NR2C2: variants seen among roughly 807,000 people sequenced by gnomAD.
NR2C2 encodes nuclear receptor subfamily 2 group C member 2, also known as Nuclear hormone receptor TR4.
Under a neutral mutation model 62.9 loss-of-function variants are expected in NR2C2, and 6 were observed. The ratio of observed to expected loss-of-function variants is 0.10; its 90% CI spans 0.05 to 0.19. The LOEUF is 0.19. NR2C2 is among the 10% of genes least tolerant of loss of function. NR2C2 has a pLI of 1.00. For missense variants in NR2C2, 479 were observed against 762.7 expected (o/e 0.63, Z 4.38); for synonymous variants, 272 against 273.8 (o/e 0.99, Z 0.07).
intron 1 of NR2C2, among the ~76,000 whole-genome samples, chr3:14,953,872 G>A (rs1285771087): frequency 2.7e-5 from 4 of 149,566 alleles, no homozygotes; most frequent in Non-Finnish European, 4.4e-5. Flanking sequence ...TCCAGCCTGG[G>A]CGACAGTGCG....
Position 15,023,365 on chromosome 3 carries a change from A to G in NR2C2, c.704+18A>G, listed in dbSNP as rs2041729432. On this transcript the variant is annotated intron_variant, in intron 6 of 13. Coordinates refer to ENST00000425241, the MANE Select transcript of NR2C2 (RefSeq NM_001291694.2). ...GGAGCAAGGTCAGTCCCTTGTTCTC[A>G]CTGCAATCAGCCTTTGCAGCTGATG... The G allele has an allele frequency of 1.9e-6, 3 of 1,613,464 alleles. No individual in the cohort carries two copies. Among genetic ancestry groups the G allele is most frequent in the Non-Finnish European group, 2.5e-6 (3 of 1,179,754 alleles).
intron 1 of NR2C2, among the ~76,000 whole-genome samples, chr3:14,978,181 C>T (rs961210321): frequency 2.0e-5 from 3 of 152,196 alleles, no homozygotes; most frequent in Non-Finnish European, 4.4e-5. Context: ...AGCACCCACA[C>T]CGTAAGCTTC....
chr3:14,949,288 G>A (rs1302492152), intron 1 of NR2C2, among the ~76,000 whole-genome samples: 1 of 152,216 alleles, frequency 6.6e-6, no homozygotes, highest in Non-Finnish European at 1.5e-5. Context: ...AGATGGAATG[G>A]TCAGGGTGGC....
At chr3:14,966,626 C>T (rs748380592) in intron 1 of NR2C2, among the ~76,000 whole-genome samples, 4 of 152,088 alleles carry the variant, frequency 2.6e-5, no homozygotes, top group Non-Finnish European at 4.4e-5. Flanking sequence ...TAGTAAGTGC[C>T]ATGCATTTTT....
chr3:15,002,802 G>T (rs1315004981), intron 1 of NR2C2, among the ~76,000 whole-genome samples: 1 of 151,200 alleles, frequency 6.6e-6, no homozygotes, highest in Admixed American at 6.6e-5. Context: ...GGGATTACAG[G>T]CACGGGCCAC....
At chr3:14,953,701 C>T (rs1308420047) in intron 1 of NR2C2, among the ~76,000 whole-genome samples, 1 of 152,112 alleles carries the variant, frequency 6.6e-6, no homozygotes, top group African/African-American at 2.4e-5. Flanking sequence ...CAAGACCAGC[C>T]TGGCCAACAT....
At position 14,947,677 on chromosome 3, in the gene NR2C2, AC is replaced by A. The variant is rs1238010362; in HGVS notation, c.-262del. ...CTTTCACTGACAAAAACAATAACAA[AC>A]CCCCCCTTCTCCGCGACCCCGGCGG... On this transcript the variant is annotated 5_prime_UTR_variant, in exon 1 of 14. Coordinates refer to ENST00000425241, the MANE Select transcript of NR2C2 (RefSeq NM_001291694.2). 3.0e-5 allele frequency: 4 copies of A among 133,070 alleles called. No individual in the cohort carries two copies. Among genetic ancestry groups the A allele is most frequent in the South Asian group, 2.1e-4 (1 of 4,872 alleles). The allele number at this position is 133,070 out of a possible 1,614,324, so 8.2% of individuals were successfully genotyped here. A position where few individuals can be genotyped will look rare whatever the true frequency, so the allele number is the denominator to read the frequency against.
Position 14,958,220 on chromosome 3 carries a change from T to C in NR2C2, c.-40+10314T>C, listed in dbSNP as rs541521608. On this transcript the variant is annotated intron_variant, in intron 1 of 13. Coordinates refer to ENST00000425241, the MANE Select transcript of NR2C2 (RefSeq NM_001291694.2). ...TGTTTATTCTCCTCTTTCTCCTCCT[T>C]GTTGTTGTTAATTCTCAGCAGTCAG... Among the ~76,000 whole-genome samples the C allele has an allele frequency of 2.0e-5, 3 of 151,510 alleles. No homozygotes were observed. The East Asian group carries it at 5.8e-4, about 29-fold the overall frequency.
intron 1 of NR2C2, chr3:14,948,143 G>C (rs143270526): frequency 1.3e-3 from 197 of 152,190 alleles, no homozygotes; most frequent in Admixed American, 2.6e-3. Context: ...GCGCAAGGGT[G>C]GGGGTGGAGG....
intron 1 of NR2C2, among the ~76,000 whole-genome samples, chr3:14,965,575 G>C (rs2039823185): frequency 7.5e-6 from 1 of 133,860 alleles, no homozygotes; most frequent in Non-Finnish European, 1.6e-5. Flanking sequence ...AATAATGAAA[G>C]TCAGTCTCAA....
chr3:15,023,093 A>G (rs2041723430), intron 5 of NR2C2, 107 bp from the exon 6 acceptor site: 8 of 1,250,664 alleles, frequency 6.4e-6, no homozygotes, highest in African/African-American at 3.0e-5. Flanking sequence ...AGATGAACCT[A>G]GCACCAGAGT....
intron 1 of NR2C2, among the ~76,000 whole-genome samples, chr3:14,980,025 T>A (rs1453011106): frequency 6.6e-6 from 1 of 152,058 alleles, no homozygotes; most frequent in Non-Finnish European, 1.5e-5. Flanking sequence ...TTTAAAACCA[T>A]TGCCACCCGT....
At chr3:14,977,834 G>A (rs1186228087) in intron 1 of NR2C2, among the ~76,000 whole-genome samples, 1 of 151,840 alleles carries the variant, frequency 6.6e-6, no homozygotes, top group Non-Finnish European at 1.5e-5. Flanking sequence ...GCATGGTGGT[G>A]TGTGCCTGTA....
At position 14,947,925 on chromosome 3, in the gene NR2C2, C is replaced by A. The variant is rs1037183641; in HGVS notation, c.-40+19C>A. 1 of 150,790 alleles carries A rather than the reference C, an allele frequency of 6.6e-6. No homozygotes were observed. The highest frequency in any genetic ancestry group is 6.6e-5 in the Admixed American group (1 of 15,158). The allele number at this position is 150,790 out of a possible 1,614,324, so 9.3% of individuals were successfully genotyped here. ...TCCTGAGGTAAAATTGAAAGAGGGT[C>A]GGGCGGGCTCGGGCCGGCGGCGGAG... On this transcript the variant is annotated intron_variant, in intron 1 of 13. Transcript: ENST00000425241.
chr3:15,008,646 G>C (rs564148101), intron 2 of NR2C2, among the ~76,000 whole-genome samples: 1 of 152,360 alleles, frequency 6.6e-6, no homozygotes, highest in African/African-American at 2.4e-5. Context: ...GGCTGGAACA[G>C]AGTGGGTAAC....
chr3:15,029,830 T>C (rs955042636), intron 8 of NR2C2, among the ~76,000 whole-genome samples: 10 of 125,132 alleles, frequency 8.0e-5, no homozygotes, highest in Non-Finnish European at 1.7e-4. Context: ...GATAGATAGA[T>C]AGATAGATAG....
chr3:15,016,456 CAAG>C (rs923247450), intron 4 of NR2C2, among the ~76,000 whole-genome samples: 2 of 152,134 alleles, frequency 1.3e-5, no homozygotes, highest in African/African-American at 4.8e-5. Flanking sequence ...AAGGAAAAGT[CAAG>C]AAATTATTTC....
chr3:14,954,695 T>C (rs75808125), intron 1 of NR2C2, among the ~76,000 whole-genome samples: 2 of 152,178 alleles, frequency 1.3e-5, no homozygotes, highest in African/African-American at 4.8e-5. Flanking sequence ...AGAGAAGTTA[T>C]TGACTATGGG....
At chr3:15,006,455 T>C (rs7635654) in intron 2 of NR2C2, among the ~76,000 whole-genome samples, 9,198 of 152,218 alleles carry the variant, frequency 0.06, 348 homozygotes, top group East Asian at 0.13. Context: ...ATGTATACTA[T>C]AGGAAATTGT....
Sources: allele counts gnomAD v4.1 joint callset (sites outside exome capture counted in the v4.1 genomes callset), GRCh38; gene constraint gnomAD v4.1.1; transcripts MANE v1.5; gene names NCBI Gene and HGNC (gene_info 2026-07-23, HGNC 2026-07-21).